Variants in HMGCS1 observed in about 807,000 individuals in gnomAD.
The protein encoded by HMGCS1 is hydroxymethylglutaryl-CoA synthase, cytoplasmic.
A neutral mutation model predicts 52.3 loss-of-function variants in HMGCS1; 9 were observed. That is an observed-to-expected ratio of 0.17 (90% CI 0.10 to 0.30). HMGCS1 has a LOEUF of 0.30. Among genes scored for constraint, HMGCS1 ranks in the 10% least tolerant of loss-of-function variants. HMGCS1 has a pLI of 1.00. For synonymous variants in HMGCS1, 176 were observed against 214.4 expected, an observed-to-expected ratio of 0.82 and a Z score of 1.57; for missense variants, 320 against 620.9, an observed-to-expected ratio of 0.52 and a Z score of 5.15.
chr5:43,297,268 A>T, intron 4 of HMGCS1, 102 bp from the exon 5 acceptor site: 2 of 931,810 alleles, frequency 2.1e-6, no homozygotes, highest in Non-Finnish European at 3.3e-6. Context: ...TAACTATCTG[A>T]TCAATTCTCA....
intron 2 of HMGCS1, among the ~76,000 whole-genome samples, chr5:43,300,802 G>GAA (rs34564699): frequency 5.0e-5 from 6 of 120,422 alleles, no homozygotes; most frequent in Admixed American, 1.8e-4. Flanking sequence ...ATAGAGAAAG[G>GAA]AAAAAAAAAA....
In HMGCS1 at chr5:43,304,875, T is replaced by G. The variant is rs143443102; in HGVS notation, c.-11+2891A>C. On this transcript the variant is annotated intron_variant, in intron 2 of 10. Transcript: ENST00000325110. ...GCCATCTAATCTGAAATATTTAGCC[T>G]TTGGTTCAAATTCAGAAAGAGAGTG... is the stretch of plus-strand genomic sequence containing the variant. Among the ~76,000 whole-genome samples the G allele has an allele frequency of 1.4e-3, 217 of 152,356 alleles. 1 individual carries two copies. Among genetic ancestry groups the G allele is most frequent in the African/African-American group, 5.0e-3 (208 of 41,582 alleles).
chr5:43,291,141 C>A lies in HMGCS1; in HGVS notation c.1553G>T (p.Gly518Val). The A allele has an allele frequency of 6.3e-7, 1 of 1,597,566 alleles. No homozygotes were observed. Among genetic ancestry groups the A allele is most frequent in the Non-Finnish European group, 8.6e-7 (1 of 1,165,268 alleles). The change falls in exon 11 of 11, where the codon GGG becomes GTG. Residue 518 changes from glycine (G) to valine (V), a missense_variant. Gly to Val is a moderately radical substitution (Grantham distance 109). Transcript: ENST00000325110. ...AEPEAAVISN[G>V]EH The stretch of plus-strand genomic sequence containing the variant: ...ACCTCACAGAGTATCTTAATGTTCC[C>A]CATTACTAATGACAGCTGCTTCAGG...
At position 43,291,083 on chromosome 5, in the gene HMGCS1, C is replaced by T; in HGVS notation, c.*48G>A. ...CATTCCTCCAACTGTTCCCATACCC[C>T]CACCCCATGCCCACCCCACCCTGAA... On this transcript the variant is annotated 3_prime_UTR_variant, in exon 11 of 11. Coordinates refer to ENST00000325110, the MANE Select transcript of HMGCS1 (RefSeq NM_001098272.3). 1.3e-6 allele frequency: 1 copy of T among 787,262 alleles called. No homozygotes were observed. Among genetic ancestry groups the T allele is most frequent in the East Asian group, 2.5e-5 (1 of 40,098 alleles). The allele number at this position is 787,262 out of a possible 1,614,324, so 48.8% of individuals were successfully genotyped here.
chr5:43,295,288 A>G (rs542531721), intron 6 of HMGCS1, among the ~76,000 whole-genome samples: 1 of 152,220 alleles, frequency 6.6e-6, no homozygotes, highest in Non-Finnish European at 1.5e-5. Flanking sequence ...AGATAGAGAA[A>G]GGACACACAA....
intron 1 of HMGCS1, chr5:43,313,125 T>C (rs1754959944): frequency 6.6e-6 from 1 of 152,382 alleles, no homozygotes; most frequent in Non-Finnish European, 1.5e-5. Flanking sequence ...GACTCGCCTG[T>C]GTTCTCGGAT....
intron 10 of HMGCS1, among the ~76,000 whole-genome samples, chr5:43,291,559 A>G (rs935353262): frequency 7.2e-5 from 11 of 152,296 alleles, no homozygotes; most frequent in African/African-American, 2.6e-4. Context: ...AAGCAAGACT[A>G]TCCATTTACC....
chr5:43,293,116 G>A (rs1753858058), intron 8 of HMGCS1, 143 bp from the exon 9 acceptor site: 1 of 649,440 alleles, frequency 1.5e-6, no homozygotes, highest in Non-Finnish European at 2.6e-6. Flanking sequence ...TAAAAGATAA[G>A]ATGATACCTA....
chr5:43,289,663 G>A lies in HMGCS1; in HGVS notation c.*1468C>T, dbSNP rs1450653658. ...TAATCTACATCAGTGAATGTTAAATGAAGTCATTTTAACAAATTATGACTG... is the reference window on the plus strand; with the variant it reads ...TAATCTACATCAGTGAATGTTAAATAAAGTCATTTTAACAAATTATGACTG... On this transcript the variant is annotated 3_prime_UTR_variant, in exon 11 of 11. Coordinates refer to ENST00000325110, the MANE Select transcript of HMGCS1 (RefSeq NM_001098272.3). 1 of 152,530 alleles carries A rather than the reference G, an allele frequency of 6.6e-6. No homozygotes were observed. 9.4% of individuals were successfully genotyped at this position (152,530 alleles called of 1,614,324 possible). A position where few individuals can be genotyped will look rare whatever the true frequency, so the allele number is the denominator to read the frequency against.
intron 1 of HMGCS1, among the ~76,000 whole-genome samples, chr5:43,311,988 T>G: frequency 6.6e-6 from 1 of 152,200 alleles, no homozygotes; most frequent in African/African-American, 2.4e-5. Flanking sequence ...TCTCTTCCCA[T>G]AAGGTATGCT....
In HMGCS1 at chr5:43,289,613, T is replaced by C. The variant is rs1753646238; in HGVS notation, c.*1518A>G. ...TATTACATGCACCATTTTGCCACCA[T>C]TCTTTAAATCAGAACTTACATTATT... On this transcript the variant is annotated 3_prime_UTR_variant, in exon 11 of 11. Coordinates refer to ENST00000325110, the MANE Select transcript of HMGCS1 (RefSeq NM_001098272.3). 2.0e-5 allele frequency: 3 copies of C among 152,744 alleles called. No homozygotes were observed. The highest frequency in any genetic ancestry group is 3.4e-3 in the Middle Eastern group (1 of 294). 9.5% of individuals were successfully genotyped at this position (152,744 alleles called of 1,614,324 possible).
Position 43,289,579 on chromosome 5 carries a change from T to A in HMGCS1, c.*1552A>T, listed in dbSNP as rs1231960792. 1 of 152,574 alleles carries A rather than the reference T, an allele frequency of 6.6e-6. No homozygotes were observed. Among genetic ancestry groups the A allele is most frequent in the Non-Finnish European group, 1.5e-5 (1 of 68,028 alleles). The allele number at this position is 152,574 out of a possible 1,614,324, so 9.5% of individuals were successfully genotyped here. On this transcript the variant is annotated 3_prime_UTR_variant, in exon 11 of 11. Coordinates refer to ENST00000325110, the MANE Select transcript of HMGCS1 (RefSeq NM_001098272.3). ...CAAAACATACCGATCTCCCCAACAC[T>A]TGCAAAAGTATTACATGCACCATTT...
intron 1 of HMGCS1, among the ~76,000 whole-genome samples, chr5:43,308,120 T>C (rs1452344755): frequency 4.6e-5 from 7 of 152,168 alleles, no homozygotes; most frequent in African/African-American, 1.2e-4. Flanking sequence ...AAGAAGCCCA[T>C]GTCACCAATT....
At chr5:43,293,032 A>G (rs1753855886) in intron 8 of HMGCS1, 59 bp from the exon 9 acceptor site, 2 of 1,450,938 alleles carry the variant, frequency 1.4e-6, no homozygotes, top group African/African-American at 1.4e-5. Flanking sequence ...GTCCAAAAGA[A>G]GCCTAAGTAA....
At position 43,305,763 on chromosome 5, in the gene HMGCS1, C is replaced by T. The variant is rs190871524; in HGVS notation, c.-11+2003G>A. 1.4e-3 allele frequency among the ~76,000 whole-genome samples: 166 copies of T among 117,120 alleles called. 2 individuals carry two copies. Among genetic ancestry groups the T allele is most frequent in the Middle Eastern group, 8.9e-3 (1 of 112 alleles). 76.8% of individuals were successfully genotyped at this position (117,120 alleles called of 152,430 possible). On this transcript the variant is annotated intron_variant, in intron 2 of 10. Coordinates refer to ENST00000325110, the MANE Select transcript of HMGCS1 (RefSeq NM_001098272.3). ...TGCCACTGCACTCCAGCCTGGGTCACAGAGTGAGACTCCGTCTCAAAAAAA... is the reference window on the plus strand; with the variant it reads ...TGCCACTGCACTCCAGCCTGGGTCATAGAGTGAGACTCCGTCTCAAAAAAA...
rs575520375 is a variant in HMGCS1 at position 43,290,228 on chromosome 5, T to C, written c.*903A>G. On this transcript the variant is annotated 3_prime_UTR_variant, in exon 11 of 11. Coordinates refer to ENST00000325110, the MANE Select transcript of HMGCS1 (RefSeq NM_001098272.3). ...GCCCTGCCCCTATTCTTCCCTTCCA[T>C]TTTAAATTTTTAAAAAAGTAACCAG... 2 of 152,712 alleles carry C rather than the reference T, an allele frequency of 1.3e-5. No homozygotes were observed. The highest frequency in any genetic ancestry group is 4.8e-5 in the African/African-American group (2 of 41,566). The allele number at this position is 152,712 out of a possible 1,614,324, so 9.5% of individuals were successfully genotyped here.
At chr5:43,299,954 A>T (rs1357698796) in intron 2 of HMGCS1, among the ~76,000 whole-genome samples, 1 of 152,194 alleles carries the variant, frequency 6.6e-6, no homozygotes, top group Non-Finnish European at 1.5e-5. Context: ...CTGGAAGAAC[A>T]AAGCGGAAAA....
chr5:43,311,851 T>C lies in HMGCS1; in HGVS notation c.-70+1505A>G, dbSNP rs544431020. The stretch of plus-strand genomic sequence containing the variant: ...CCCTCCCCACAGCGTAAGTCAGACC[T>C]TCTGAGTGCTGGGGTTACTGATGAT... On this transcript the variant is annotated intron_variant, in intron 1 of 10. Transcript: ENST00000325110. Among the ~76,000 whole-genome samples, 7 of 152,336 alleles carry C rather than the reference T, an allele frequency of 4.6e-5. No homozygotes were observed. The East Asian group carries it at 1.3e-3, about 29-fold the overall frequency.
chr5:43,290,912 T>C lies in HMGCS1; in HGVS notation c.*219A>G, dbSNP rs1753728129. 3 of 488,136 alleles carry C rather than the reference T, an allele frequency of 6.1e-6. No individual in the cohort carries two copies. Among genetic ancestry groups the C allele is most frequent in the African/African-American group, 3.8e-5 (2 of 52,470 alleles). 30.2% of individuals were successfully genotyped at this position (488,136 alleles called of 1,614,324 possible). A position where few individuals can be genotyped will look rare whatever the true frequency, so the allele number is the denominator to read the frequency against. ...AGCCCTTAACATCATTCGAGTACAT[T>C]TGGCATTGGCCAGACCACAACAGGA... On this transcript the variant is annotated 3_prime_UTR_variant, in exon 11 of 11. Coordinates refer to ENST00000325110, the MANE Select transcript of HMGCS1 (RefSeq NM_001098272.3).
Sources: gnomAD v4.1 joint callset for allele counts (sites outside exome capture counted in the v4.1 genomes callset) on GRCh38, gnomAD v4.1.1 for gene constraint, MANE v1.5 for transcripts, NCBI Gene and HGNC (gene_info 2026-07-23, HGNC 2026-07-21) for gene names.